The following NEMF variants were observed in gnomAD, a reference collection of about 807,000 sequenced individuals.
NEMF encodes the protein ribosome quality control complex subunit NEMF.
NEMF carries 89 observed loss-of-function variants against 162.2 expected under a neutral mutation model. The observed-to-expected ratio is 0.55, with a 90% CI of 0.46 to 0.65. NEMF has a LOEUF of 0.65. Among genes scored for constraint, NEMF ranks in the 30% least tolerant of loss-of-function variants. The probability of loss-of-function intolerance (pLI) is 0.00; values close to 1 mark genes in which losing one functional copy is unlikely to be tolerated. For missense variants in NEMF, 1,133 were observed against 1,261.9 expected, an observed-to-expected ratio of 0.90 and a Z score of 1.55; for synonymous variants, 421 against 404.5, an observed-to-expected ratio of 1.04 and a Z score of -0.49.
At chr14:49,797,498 G>T (rs1370102848) in intron 25 of NEMF, 1 of 152,104 alleles carries the variant, frequency 6.6e-6, no homozygotes, top group Non-Finnish European at 1.5e-5. Context: ...AGCCGGGCGT[G>T]GTGGTGGGTG....
chr14:49,793,729 C>T (rs995184272), intron 26 of NEMF, among the ~76,000 whole-genome samples: 1 of 152,002 alleles, frequency 6.6e-6, no homozygotes, highest in African/African-American at 2.4e-5. Flanking sequence ...TCGTTGCGTA[C>T]CCATAATTTT....
intron 4 of NEMF, chr14:49,845,892 T>A (rs551972915): frequency 1.3e-5 from 7 of 519,124 alleles, no homozygotes; most frequent in Non-Finnish European, 2.0e-5. Flanking sequence ...ATAATTTACT[T>A]CTCAGATCTT....
intron 6 of NEMF, among the ~76,000 whole-genome samples, chr14:49,834,703 G>C (rs987363051): frequency 1.3e-5 from 2 of 151,946 alleles, no homozygotes; most frequent in Admixed American, 6.6e-5. Context: ...GGCTGGTCTC[G>C]AACTCCTAAC....
At chr14:49,792,059 C>T (rs1468036050) in intron 26 of NEMF, among the ~76,000 whole-genome samples, 1 of 151,774 alleles carries the variant, frequency 6.6e-6, no homozygotes, top group Non-Finnish European at 1.5e-5. Flanking sequence ...GGGAGGATTG[C>T]TTGAGCCCAG....
Position 49,800,851 on chromosome 14 carries a change from A to T in NEMF, c.2096-155T>A, listed in dbSNP as rs1890920919. The T allele has an allele frequency of 8.9e-5, 58 of 653,810 alleles. No individual in the cohort carries two copies. In the South Asian group the frequency reaches 1.1e-3, roughly 13 times the overall value. 40.5% of individuals were successfully genotyped at this position (653,810 alleles called of 1,614,324 possible). The stretch of plus-strand genomic sequence containing the variant: ...TCATTCCCAAAGGGTACTCTTAGAC[A>T]AAAGAATAACCTGTATCATGAATAG... On this transcript the variant is annotated intron_variant, in intron 22 of 32. Coordinates refer to ENST00000298310, the MANE Select transcript of NEMF (RefSeq NM_004713.6).
intron 3 of NEMF, among the ~76,000 whole-genome samples, chr14:49,848,057 A>C: frequency 6.7e-6 from 1 of 149,984 alleles, no homozygotes; most frequent in African/African-American, 2.4e-5. Flanking sequence ...AAAGAAAGGG[A>C]CAGAGTCTCT....
At chr14:49,810,819 C>T (rs539088831) in intron 18 of NEMF, among the ~76,000 whole-genome samples, 10 of 152,188 alleles carry the variant, frequency 6.6e-5, no homozygotes, top group South Asian at 4.1e-4. Flanking sequence ...GGCAAAACCT[C>T]ATCTCTACAA....
In NEMF at chr14:49,795,730, A is replaced by G. The variant is rs976634088; in HGVS notation, c.2619+61T>C. On this transcript the variant is annotated intron_variant, in intron 26 of 32. Coordinates refer to ENST00000298310, the MANE Select transcript of NEMF (RefSeq NM_004713.6). Reference sequence around the variant, plus strand: ...CATTTTCTATTTCACTTCAACTTTAAAAAATTAAAAAGGAACCTCACAAAT... The same window carrying G: ...CATTTTCTATTTCACTTCAACTTTAGAAAATTAAAAAGGAACCTCACAAAT... 1.2e-5 allele frequency: 18 copies of G among 1,500,184 alleles called. No individual in the cohort carries two copies. In the African/African-American group the frequency reaches 2.5e-4, roughly 21 times the overall value. The allele number at this position is 1,500,184 out of a possible 1,614,324, so 92.9% of individuals were successfully genotyped here. A position where few individuals can be genotyped will look rare whatever the true frequency, so the allele number is the denominator to read the frequency against.
chr14:49,843,021 T>TA (rs1302304542), intron 4 of NEMF, among the ~76,000 whole-genome samples: 2 of 148,528 alleles, frequency 1.3e-5, no homozygotes, highest in Admixed American at 6.7e-5. Flanking sequence ...AATTAAAAAA[T>TA]AAAAAAAAAG....
At chr14:49,830,811 T>TG (rs1892596713) in intron 11 of NEMF, among the ~76,000 whole-genome samples, 1 of 152,254 alleles carries the variant, frequency 6.6e-6, no homozygotes, top group African/African-American at 2.4e-5. Context: ...TCTAAAAACA[T>TG]GGTCAAATGT....
chr14:49,830,023 C>G (rs912192038), intron 11 of NEMF, among the ~76,000 whole-genome samples: 2 of 152,144 alleles, frequency 1.3e-5, no homozygotes, highest in South Asian at 4.1e-4. Flanking sequence ...ATTAATAAGA[C>G]AAAGGCTCAT....
At chr14:49,826,172 T>G (rs543371425) in intron 15 of NEMF, among the ~76,000 whole-genome samples, 3 of 152,132 alleles carry the variant, frequency 2.0e-5, no homozygotes, top group African/African-American at 7.2e-5. Flanking sequence ...AACTAAAGAA[T>G]TACTACATGA....
chr14:49,792,523 T>C (rs954651506), intron 26 of NEMF, among the ~76,000 whole-genome samples: 3 of 152,192 alleles, frequency 2.0e-5, no homozygotes, highest in Non-Finnish European at 1.5e-5. Flanking sequence ...CAATCTCCAT[T>C]TTATACAAAG....
rs768592214 is a variant in NEMF at position 49,795,750 on chromosome 14, A to C, written c.2619+41T>G. 9.0e-6 allele frequency: 14 copies of C among 1,553,458 alleles called. No homozygotes were observed. In the Admixed American group the frequency reaches 1.1e-4, roughly 12 times the overall value. ...CTTTAAAAAATTAAAAAGGAACCTC[A>C]CAAATTAACTGTGAACCATATAGAT... On this transcript the variant is annotated intron_variant, in intron 26 of 32. Transcript: ENST00000298310.
At chr14:49,823,619 C>CTT (rs1892197130) in intron 16 of NEMF, among the ~76,000 whole-genome samples, 1 of 151,836 alleles carries the variant, frequency 6.6e-6, no homozygotes, top group Non-Finnish European at 1.5e-5. Flanking sequence ...TAGGGGGTTC[C>CTT]ATATCTTAAA....
Position 49,814,736 on chromosome 14 carries a change from A to G in NEMF, c.1681+18T>C. On this transcript the variant is annotated intron_variant, in intron 17 of 32. Coordinates refer to ENST00000298310, the MANE Select transcript of NEMF (RefSeq NM_004713.6). ...AAACATTCAAGAGAAAATTTTTCCG[A>G]ATTTTAATCTTACCTACCTGGTGTC... The G allele has an allele frequency of 4.1e-6, 6 of 1,474,050 alleles. No individual in the cohort carries two copies. Among genetic ancestry groups the G allele is most frequent in the Non-Finnish European group, 5.5e-6 (6 of 1,086,642 alleles). 91.3% of individuals were successfully genotyped at this position (1,474,050 alleles called of 1,614,324 possible). A position where few individuals can be genotyped will look rare whatever the true frequency, so the allele number is the denominator to read the frequency against.
intron 4 of NEMF, among the ~76,000 whole-genome samples, chr14:49,841,237 A>G (rs1893191507): frequency 2.7e-5 from 4 of 150,630 alleles, no homozygotes; most frequent in Admixed American, 2.0e-4. Flanking sequence ...AAAACAAAAC[A>G]AAACAGAAAA....
chr14:49,784,460 T>C lies in NEMF; in HGVS notation c.*176A>G. 1.8e-6 allele frequency: 1 copy of C among 550,066 alleles called. No individual in the cohort carries two copies. Among genetic ancestry groups the C allele is most frequent in the African/African-American group, 1.9e-5 (1 of 52,350 alleles). 34.1% of individuals were successfully genotyped at this position (550,066 alleles called of 1,614,324 possible). A position where few individuals can be genotyped will look rare whatever the true frequency, so the allele number is the denominator to read the frequency against. ...TTTGGAAATCCTATCATAGACAGTGTTTCCTCTATATAAAACTGGGAAAAA... is the reference window on the plus strand; with the variant it reads ...TTTGGAAATCCTATCATAGACAGTGCTTCCTCTATATAAAACTGGGAAAAA... On this transcript the variant is annotated 3_prime_UTR_variant, in exon 33 of 33. Coordinates refer to ENST00000298310, the MANE Select transcript of NEMF (RefSeq NM_004713.6).
chr14:49,849,272 GGACA>G (rs1161268318), intron 3 of NEMF, among the ~76,000 whole-genome samples: 4 of 152,162 alleles, frequency 2.6e-5, no homozygotes, highest in Non-Finnish European at 4.4e-5. Context: ...ATCATTGAAA[GGACA>G]GAAGTTCACA....
Sources: allele counts gnomAD v4.1 joint callset (sites outside exome capture counted in the v4.1 genomes callset), GRCh38; gene constraint gnomAD v4.1.1; transcripts MANE v1.5; gene names NCBI Gene and HGNC (gene_info 2026-07-23, HGNC 2026-07-21).